The following OXR1 variants were observed in gnomAD, a reference collection of about 807,000 sequenced individuals.
OXR1 encodes the protein oxidation resistance protein 1.
Under a neutral mutation model 104.6 loss-of-function variants are expected in OXR1, and 41 were observed. The ratio of observed to expected loss-of-function variants is 0.39; its 90% confidence interval spans 0.31 to 0.51. The LOEUF (loss-of-function observed/expected upper bound fraction) is 0.51, where lower values mean the gene tolerates loss of function less well. OXR1 is among the 20% of genes least tolerant of loss of function. The pLI is 0.77. For synonymous variants in OXR1, 348 were observed against 348.4 expected (o/e 1.00, Z 0.01); for missense variants, 955 against 1,031.9 (o/e 0.93, Z 1.02).
chr8:106,307,761 T>G (rs1813524016), intron 1 of OXR1, among the ~76,000 whole-genome samples: 1 of 152,090 alleles, frequency 6.6e-6, no homozygotes, highest in Non-Finnish European at 1.5e-5. Context: ...TAGCATGACT[T>G]TAAGAAGCAA....
chr8:106,581,084 G>C (rs1364616716), intron 3 of OXR1: 4 of 1,205,056 alleles, frequency 3.3e-6, no homozygotes, highest in African/African-American at 3.2e-5. Context: ...GCTAAAGATG[G>C]AGGAAAAATA....
chr8:106,402,056 G>A (rs1223089544), intron 2 of OXR1, among the ~76,000 whole-genome samples: 2 of 152,146 alleles, frequency 1.3e-5, no homozygotes, highest in Non-Finnish European at 2.9e-5. Context: ...TTTGCCAGAT[G>A]GATAGCTGTA....
intron 1 of OXR1, among the ~76,000 whole-genome samples, chr8:106,329,069 G>A (rs1014896277): frequency 6.6e-6 from 1 of 151,994 alleles, no homozygotes; most frequent in African/African-American, 2.4e-5. Flanking sequence ...TCTGCTCACC[G>A]CATCCTCTGC....
chr8:106,570,318 G>A (rs186505692), intron 3 of OXR1, among the ~76,000 whole-genome samples: 169 of 152,162 alleles, frequency 1.1e-3, no homozygotes, highest in African/African-American at 3.8e-3. Flanking sequence ...ATAGTGCTCC[G>A]CTTTGTACTT....
intron 2 of OXR1, among the ~76,000 whole-genome samples, chr8:106,386,709 C>G (rs80103589): frequency 0.012 from 1,778 of 152,184 alleles, 34 homozygotes; most frequent in African/African-American, 0.039. Flanking sequence ...TGGGAAGCCT[C>G]CCTGGAAGGG....
intron 2 of OXR1, among the ~76,000 whole-genome samples, chr8:106,441,537 C>G (rs1819783569): frequency 1.3e-5 from 2 of 152,242 alleles, no homozygotes; most frequent in South Asian, 4.1e-4. Flanking sequence ...ATTGATTTTT[C>G]CTATCCATGA....
chr8:106,746,584 A>G (rs1020810144), intron 16 of OXR1, among the ~76,000 whole-genome samples: 2 of 152,224 alleles, frequency 1.3e-5, no homozygotes, highest in African/African-American at 2.4e-5. Context: ...AGTTGAGGAT[A>G]TATAATGATA....
intron 2 of OXR1, among the ~76,000 whole-genome samples, chr8:106,418,501 A>T (rs935430738): frequency 6.6e-6 from 1 of 152,000 alleles, no homozygotes; most frequent in Non-Finnish European, 1.5e-5. Context: ...TTTTTTAATG[A>T]TGCTAAAGCT....
At chr8:106,485,236 A>G (rs757564508) in intron 2 of OXR1, among the ~76,000 whole-genome samples, 5 of 152,116 alleles carry the variant, frequency 3.3e-5, no homozygotes, top group East Asian at 1.9e-4. Flanking sequence ...TGATACTACA[A>G]TGTTGGATAC....
At chr8:106,584,298 C>T (rs906634247) in intron 3 of OXR1, among the ~76,000 whole-genome samples, 3 of 150,700 alleles carry the variant, frequency 2.0e-5, no homozygotes, top group Non-Finnish European at 4.4e-5. Flanking sequence ...GAAAGAGATA[C>T]CAGACTTAAA....
At chr8:106,588,211 G>T (rs971963490) in intron 3 of OXR1, among the ~76,000 whole-genome samples, 1 of 151,850 alleles carries the variant, frequency 6.6e-6, no homozygotes, top group Non-Finnish European at 1.5e-5. Context: ...CGCCCACCTC[G>T]GCCTCCCAAA....
At chr8:106,750,343 G>A (rs948581132) in intron 16 of OXR1, among the ~76,000 whole-genome samples, 2 of 38,626 alleles carry the variant, frequency 5.2e-5, no homozygotes, top group Non-Finnish European at 1.1e-4. Flanking sequence ...TTTTTTTTTT[G>A]AGACAGAGTT....
At chr8:106,481,578 G>A (rs1462428416) in intron 2 of OXR1, among the ~76,000 whole-genome samples, 3 of 151,980 alleles carry the variant, frequency 2.0e-5, no homozygotes, top group African/African-American at 4.8e-5. Context: ...TAGAGAGCCC[G>A]GAGGGTAAAT....
chr8:106,699,918 G>A (rs1407730553), intron 7 of OXR1, among the ~76,000 whole-genome samples: 1 of 152,128 alleles, frequency 6.6e-6, no homozygotes, highest in Non-Finnish European at 1.5e-5. Flanking sequence ...ATGTAAGACT[G>A]AAAAAATATC....
intron 8 of OXR1, among the ~76,000 whole-genome samples, chr8:106,704,390 CTTCTTTTTT>C (rs1324238717): frequency 4.0e-4 from 30 of 75,818 alleles, no homozygotes; most frequent in African/African-American, 1.6e-3. Context: ...TTTCTTTCTT[CTTCTTTTTT>C]TTTTTTTTTT....
At chr8:106,605,829 G>A (rs1046901974) in intron 3 of OXR1, among the ~76,000 whole-genome samples, 3 of 150,906 alleles carry the variant, frequency 2.0e-5, no homozygotes, top group Non-Finnish European at 4.4e-5. Flanking sequence ...ATAAAATAAA[G>A]GAAACACAAA....
At chr8:106,575,754 CA>C (rs2130591229) in intron 3 of OXR1, among the ~76,000 whole-genome samples, 1 of 149,752 alleles carries the variant, frequency 6.7e-6, no homozygotes, top group East Asian at 2.0e-4. Flanking sequence ...AAATAAATGA[CA>C]CCTCACTTAT....
intron 1 of OXR1, among the ~76,000 whole-genome samples, chr8:106,297,614 A>G (rs1302504463): frequency 6.6e-6 from 1 of 152,212 alleles, no homozygotes; most frequent in East Asian, 1.9e-4. Flanking sequence ...TAGTAAAAAC[A>G]CAGTATTATA....
intron 9 of OXR1, among the ~76,000 whole-genome samples, chr8:106,709,971 A>G (rs531608921): frequency 2.3e-4 from 35 of 152,070 alleles, no homozygotes; most frequent in Non-Finnish European, 4.7e-4. Context: ...TATAAGTGCT[A>G]TTTCCTCCAG....
Sources: gnomAD v4.1 joint callset for allele counts (sites outside exome capture counted in the v4.1 genomes callset) on GRCh38, gnomAD v4.1.1 for gene constraint, MANE v1.5 for transcripts, NCBI Gene and HGNC (gene_info 2026-07-23, HGNC 2026-07-21) for gene names.